Variants in ZNF57 observed in about 807,000 individuals in gnomAD.
ZNF57 encodes the protein zinc finger protein 424.
A neutral mutation model predicts 13.4 loss-of-function variants in ZNF57; 11 were observed. That is an observed-to-expected ratio of 0.82 (90% CI 0.52 to 1.36). The LOEUF (loss-of-function observed/expected upper bound fraction) is 1.36. Among genes scored for constraint, ZNF57 ranks in the 40% most tolerant of loss-of-function variants. The pLI is 0.00. For synonymous variants in ZNF57, 224 were observed against 238.5 expected, an observed-to-expected ratio of 0.94 and a Z score of 0.56; for missense variants, 696 against 667.5, an observed-to-expected ratio of 1.04 and a Z score of -0.47.
chr19:2,913,115 A>C (rs62125395), intron 1 of ZNF57, among the ~76,000 whole-genome samples: 4,055 of 152,142 alleles, frequency 0.027, 86 homozygotes, highest in African/African-American at 0.052. Flanking sequence ...CACCACGCCC[A>C]GCTAATTTTT....
intron 1 of ZNF57, chr19:2,907,049 G>A (rs944575295): frequency 1.3e-5 from 2 of 152,120 alleles, no homozygotes; most frequent in African/African-American, 2.4e-5. Flanking sequence ...GGGGGTGGGG[G>A]CGGGGCAGAG....
chr19:2,909,126 G>A (rs146706552), intron 1 of ZNF57, among the ~76,000 whole-genome samples: 1 of 151,806 alleles, frequency 6.6e-6, no homozygotes, highest in Admixed American at 6.6e-5. Context: ...TCCACCTTTT[G>A]GCTATTGTGA....
rs1163575923 is a variant in ZNF57 at position 2,916,692 on chromosome 19, G to A, written c.303-232G>A. ...GATTGCGCCACTGCACTCCAGCCTGGGTGACAGAGTGAGACTCCATCTCAA... is the reference window on the plus strand; with the variant it reads ...GATTGCGCCACTGCACTCCAGCCTGAGTGACAGAGTGAGACTCCATCTCAA... On this transcript the variant is annotated intron_variant, in intron 3 of 3. Transcript: ENST00000306908. 3.0e-5 allele frequency: 10 copies of A among 335,620 alleles called. 1 individual carries two copies. The South Asian group carries it at 4.7e-4, about 16-fold the overall frequency. 20.8% of individuals were successfully genotyped at this position (335,620 alleles called of 1,614,324 possible).
intron 3 of ZNF57, 98 bp downstream of exon 3, chr19:2,916,347 T>A: frequency 2.5e-6 from 3 of 1,188,612 alleles, no homozygotes; most frequent in Non-Finnish European, 3.4e-6. Flanking sequence ...TGTTTATTCC[T>A]CAGAATTTTA....
Position 2,916,768 on chromosome 19 carries a change from A to C in ZNF57, c.303-156A>C, listed in dbSNP as rs903299132. ...CAGGAAAACCCCATATATAATAAAT[A>C]CTGCATTAAAAAATATGTCTCTTCA... On this transcript the variant is annotated intron_variant, in intron 3 of 3. Coordinates refer to ENST00000306908, the MANE Select transcript of ZNF57 (RefSeq NM_173480.3). The C allele has an allele frequency of 3.5e-5, 20 of 575,654 alleles. No individual in the cohort carries two copies. In the African/African-American group the frequency reaches 3.6e-4, roughly 10 times the overall value. The allele number at this position is 575,654 out of a possible 1,614,324, so 35.7% of individuals were successfully genotyped here. A position where few individuals can be genotyped will look rare whatever the true frequency, so the allele number is the denominator to read the frequency against.
intron 1 of ZNF57, among the ~76,000 whole-genome samples, chr19:2,913,472 A>G (rs1047291665): frequency 6.6e-6 from 1 of 152,074 alleles, no homozygotes; most frequent in Non-Finnish European, 1.5e-5. Flanking sequence ...AACTTCCTTT[A>G]TATAAGTTTT....
chr19:2,903,068 G>A (rs1002797039), intron 1 of ZNF57, among the ~76,000 whole-genome samples: 3 of 152,176 alleles, frequency 2.0e-5, no homozygotes, highest in Admixed American at 6.5e-5. Context: ...TAGAACAGCC[G>A]CAGCGGGAAC....
chr19:2,906,091 T>C (rs771893590), intron 1 of ZNF57, among the ~76,000 whole-genome samples: 1 of 152,198 alleles, frequency 6.6e-6, no homozygotes, highest in Non-Finnish European at 1.5e-5. Context: ...AATTCCTCTG[T>C]TGCCCAGGCT....
In ZNF57 at chr19:2,917,423, C is replaced by T. The variant is rs763016352; in HGVS notation, c.802C>T (p.Gln268Ter). The T allele has an allele frequency of 6.2e-7, 1 of 1,614,166 alleles. No individual in the cohort carries two copies. The highest frequency in any genetic ancestry group is 2.2e-5 in the East Asian group (1 of 44,884). ...GRAFIYPSTF[Q>*]RHMTTHTGEK... is the part of the protein sequence containing the mutation. ...AGCCTTCATTTATCCCTCGACATTTCAAAGACACATGACAACACACACTGG... is the reference window on the plus strand; with the variant it reads ...AGCCTTCATTTATCCCTCGACATTTTAAAGACACATGACAACACACACTGG... The change falls in exon 4 of 4, where the codon CAA becomes TAA. Residue 268 changes from glutamine (Q) to a stop codon, truncating the protein, a stop_gained. Coordinates refer to ENST00000306908, the MANE Select transcript of ZNF57 (RefSeq NM_173480.3). LOFTEE classifies it low-confidence loss of function (END_TRUNC).
rs183932416 is a variant in ZNF57 at position 2,904,765 on chromosome 19, C to T, written c.3+3717C>T. ...TAATGTTGGCCAGGTTGGTCTCAAA[C>T]TCTTGGCCTCAAGTGATCTACCTGC... On this transcript the variant is annotated intron_variant, in intron 1 of 3. Transcript: ENST00000306908. 2.7e-4 allele frequency among the ~76,000 whole-genome samples: 41 copies of T among 152,244 alleles called. 1 individual carries two copies. Among genetic ancestry groups the T allele is most frequent in the South Asian group, 2.1e-3 (10 of 4,812 alleles).
chr19:2,905,087 A>G (rs2088060973), intron 1 of ZNF57, among the ~76,000 whole-genome samples: 2 of 152,124 alleles, frequency 1.3e-5, no homozygotes, highest in Non-Finnish European at 2.9e-5. Flanking sequence ...TCTGTCATAT[A>G]TTCATGCACC....
chr19:2,903,562 G>A (rs1043786319), intron 1 of ZNF57, among the ~76,000 whole-genome samples: 6 of 151,924 alleles, frequency 3.9e-5, no homozygotes, highest in Non-Finnish European at 7.4e-5. Flanking sequence ...CGCATAAATA[G>A]GCCTCCGGCC....
chr19:2,911,164 G>GCC (rs1212112102), intron 1 of ZNF57, among the ~76,000 whole-genome samples: 2 of 152,080 alleles, frequency 1.3e-5, no homozygotes, highest in African/African-American at 4.8e-5. Context: ...CTGGGCTCAA[G>GCC]CCATCCTGTT....
intron 1 of ZNF57, among the ~76,000 whole-genome samples, chr19:2,909,371 C>T (rs1312455086): frequency 2.8e-5 from 2 of 72,422 alleles, no homozygotes; most frequent in African/African-American, 8.3e-5. Flanking sequence ...AGCTCTGCCT[C>T]CTGGGTTCAC....
At chr19:2,901,724 G>A (rs1731227764) in intron 1 of ZNF57, among the ~76,000 whole-genome samples, 1 of 151,996 alleles carries the variant, frequency 6.6e-6, no homozygotes, top group Non-Finnish European at 1.5e-5. Flanking sequence ...TCACCATGTT[G>A]GCCAGAATGG....
chr19:2,908,585 A>G (rs1282219645), intron 1 of ZNF57, among the ~76,000 whole-genome samples: 1 of 150,404 alleles, frequency 6.6e-6, no homozygotes, highest in Non-Finnish European at 1.5e-5. Flanking sequence ...ACGCCCGGCT[A>G]ATTTTTTGCA....
chr19:2,904,646 A>G (rs1374712708), intron 1 of ZNF57, among the ~76,000 whole-genome samples: 1 of 152,030 alleles, frequency 6.6e-6, no homozygotes, highest in African/African-American at 2.4e-5. Flanking sequence ...GGTTCAAGCA[A>G]TCCTCCTACC....
At chr19:2,902,916 A>C (rs542907147) in intron 1 of ZNF57, among the ~76,000 whole-genome samples, 1 of 152,278 alleles carries the variant, frequency 6.6e-6, no homozygotes, top group South Asian at 2.1e-4. Flanking sequence ...TGTGGCATTT[A>C]AAGTGTAGCA....
intron 1 of ZNF57, among the ~76,000 whole-genome samples, chr19:2,908,083 C>T (rs2144923296): frequency 6.6e-6 from 1 of 152,208 alleles, no homozygotes; most frequent in African/African-American, 2.4e-5. Context: ...TTGGATTTTC[C>T]CATAGTATGT....
Sources: allele counts gnomAD v4.1 joint callset (sites outside exome capture counted in the v4.1 genomes callset), GRCh38; gene constraint gnomAD v4.1.1; transcripts MANE v1.5; gene names NCBI Gene and HGNC (gene_info 2026-07-23, HGNC 2026-07-21).